Variants in ZDHHC15 observed in about 807,000 individuals in gnomAD.
ZDHHC15 encodes the protein palmitoyltransferase ZDHHC15.
ZDHHC15 carries 19 observed loss-of-function variants against 31.7 expected under a neutral mutation model. The ratio of observed to expected loss-of-function variants is 0.60; its 90% CI spans 0.42 to 0.88. ZDHHC15 has a LOEUF of 0.88. Among genes scored for constraint, ZDHHC15 ranks in the 40% least tolerant of loss-of-function variants. ZDHHC15 has a pLI of 0.00. For synonymous variants in ZDHHC15, 103 were observed against 90.0 expected (o/e 1.14, Z -0.82); for missense variants, 209 against 251.2 (o/e 0.83, Z 1.14).
chrX:75,423,035 C>A (rs1484098332), intron 8 of ZDHHC15, among the ~76,000 whole-genome samples: 1 of 93,547 alleles, frequency 1.1e-5, no homozygotes, highest in African/African-American at 4.0e-5. Flanking sequence ...AAAATAGATA[C>A]AGGGTCTTAT....
In ZDHHC15 at chrX:75,442,424, C is replaced by A. The variant is rs1187856147; in HGVS notation, c.379+8378G>T. Among the ~76,000 whole-genome samples, 5 of 111,950 alleles carry A rather than the reference C, an allele frequency of 4.5e-5. No individual in the cohort carries two copies. The East Asian group carries it at 1.4e-3, about 32-fold the overall frequency. On this transcript the variant is annotated intron_variant, in intron 4 of 11. Coordinates refer to ENST00000373367, the MANE Select transcript of ZDHHC15 (RefSeq NM_144969.3). The stretch of plus-strand genomic sequence containing the variant: ...AAACCCCATTGTTTCAGCCCAAAAT[C>A]TCCTTAAGCTGATATGCAACCTCAG...
At chrX:75,498,391 C>T (rs1475060361) in intron 2 of ZDHHC15, among the ~76,000 whole-genome samples, 3 of 111,360 alleles carry the variant, frequency 2.7e-5, no homozygotes, top group Non-Finnish European at 5.7e-5. Context: ...ACCTAGAAAA[C>T]CCTAAAGACT....
At chrX:75,411,338 G>T (rs2083483378) in intron 10 of ZDHHC15, among the ~76,000 whole-genome samples, 1 of 110,377 alleles carries the variant, frequency 9.1e-6, no homozygotes, top group South Asian at 3.9e-4. Context: ...TCAGCCTCCC[G>T]AGTAGCTGAG....
intron 3 of ZDHHC15, 31 bp from the exon 4 acceptor site, chrX:75,450,953 T>C: frequency 8.5e-7 from 1 of 1,179,774 alleles, no homozygotes; most frequent in Non-Finnish European, 1.1e-6. Flanking sequence ...TAAGACTTTA[T>C]TATCTAAAGT....
intron 8 of ZDHHC15, among the ~76,000 whole-genome samples, chrX:75,423,988 T>C (rs1477850318): frequency 9.0e-6 from 1 of 111,360 alleles, no homozygotes; most frequent in African/African-American, 3.3e-5. Flanking sequence ...TCACCATAGA[T>C]GAAATAAAAT....
At chrX:75,483,071 ATGTG>A (rs1476057660) in intron 2 of ZDHHC15, among the ~76,000 whole-genome samples, 4 of 84,881 alleles carry the variant, frequency 4.7e-5, no homozygotes, top group African/African-American at 2.0e-4. Flanking sequence ...GTGTATATAT[ATGTG>A]TATGTGTATA....
intron 1 of ZDHHC15, among the ~76,000 whole-genome samples, chrX:75,509,365 T>C (rs1053837807): frequency 4.5e-5 from 5 of 111,912 alleles, no homozygotes; most frequent in African/African-American, 1.6e-4. Flanking sequence ...AGTTTTGGAA[T>C]GCTGGTGTAT....
intron 10 of ZDHHC15, among the ~76,000 whole-genome samples, chrX:75,409,315 G>C (rs904671461): frequency 2.4e-4 from 26 of 109,021 alleles, no homozygotes; most frequent in Admixed American, 2.2e-3. Context: ...AACATGGCAA[G>C]ACCCTGTCTC....
In ZDHHC15 at chrX:75,493,317, G is replaced by A. The variant is rs763117969; in HGVS notation, c.163+12504C>T. Among the ~76,000 whole-genome samples the A allele has an allele frequency of 2.7e-5, 3 of 111,919 alleles. No individual in the cohort carries two copies. The East Asian group carries it at 8.4e-4, about 31-fold the overall frequency. On this transcript the variant is annotated intron_variant, in intron 2 of 11. Coordinates refer to ENST00000373367, the MANE Select transcript of ZDHHC15 (RefSeq NM_144969.3). Reference sequence around the variant, plus strand: ...TAGCTTACTAACCAAAAAAAGTCCAGTACAAGATGGATTCACAGCCGAATT... The same window carrying A: ...TAGCTTACTAACCAAAAAAAGTCCAATACAAGATGGATTCACAGCCGAATT...
At chrX:75,420,445 C>A (rs926297152) in intron 9 of ZDHHC15, among the ~76,000 whole-genome samples, 10 of 111,329 alleles carry the variant, frequency 9.0e-5, no homozygotes, top group African/African-American at 2.9e-4. Flanking sequence ...CCCAGCCATC[C>A]CATTACTGGG....
intron 10 of ZDHHC15, among the ~76,000 whole-genome samples, chrX:75,396,547 T>A (rs1476696886): frequency 8.9e-6 from 1 of 112,206 alleles, no homozygotes; most frequent in African/African-American, 3.2e-5. Flanking sequence ...TGCAAATGTA[T>A]GTTTTATTAA....
At chrX:75,499,633 T>C (rs767882072) in intron 2 of ZDHHC15, among the ~76,000 whole-genome samples, 1 of 111,591 alleles carries the variant, frequency 9.0e-6, no homozygotes, top group Non-Finnish European at 1.9e-5. Context: ...CAATAAACAT[T>C]GGCATGAATG....
chrX:75,469,469 T>C (rs1445947285), intron 3 of ZDHHC15, among the ~76,000 whole-genome samples: 1 of 112,019 alleles, frequency 8.9e-6, no homozygotes, highest in African/African-American at 3.2e-5. Flanking sequence ...AGGTACCTCA[T>C]ATAAGTAGAA....
intron 2 of ZDHHC15, among the ~76,000 whole-genome samples, chrX:75,496,572 A>G (rs1406003560): frequency 8.9e-6 from 1 of 112,005 alleles, no homozygotes; most frequent in Non-Finnish European, 1.9e-5. Flanking sequence ...TCATCAGCAC[A>G]TGGAACATTT....
chrX:75,416,688 G>A (rs1397324444), intron 10 of ZDHHC15, among the ~76,000 whole-genome samples: 1 of 111,665 alleles, frequency 9.0e-6, no homozygotes, highest in Non-Finnish European at 1.9e-5. Context: ...TAAAAAGAGA[G>A]TGAGTATAGG....
intron 10 of ZDHHC15, among the ~76,000 whole-genome samples, chrX:75,411,692 C>G (rs1192220922): frequency 9.0e-6 from 1 of 111,585 alleles, no homozygotes; most frequent in Admixed American, 9.5e-5. Context: ...ATTTTTAAAA[C>G]CACAGTGCAA....
intron 4 of ZDHHC15, among the ~76,000 whole-genome samples, chrX:75,443,034 C>T (rs1202257980): frequency 1.9e-5 from 2 of 107,599 alleles, no homozygotes; most frequent in Non-Finnish European, 3.9e-5. Context: ...AATGGCCATA[C>T]TGCCCAAGGT....
chrX:75,380,591 C>A (rs1602538122), intron 10 of ZDHHC15, among the ~76,000 whole-genome samples: 1 of 111,241 alleles, frequency 9.0e-6, no homozygotes, highest in African/African-American at 3.3e-5. Flanking sequence ...TGGTTTCACT[C>A]CCAGGATAAG....
intron 2 of ZDHHC15, among the ~76,000 whole-genome samples, chrX:75,491,425 A>C (rs2084889151): frequency 1.1e-5 from 1 of 94,892 alleles, no homozygotes; most frequent in Non-Finnish European, 2.1e-5. Flanking sequence ...GTATTGAACA[A>C]TGAGAACACA....
Sources: allele counts gnomAD v4.1 joint callset (sites outside exome capture counted in the v4.1 genomes callset), GRCh38; gene constraint gnomAD v4.1.1; transcripts MANE v1.5; gene names NCBI Gene and HGNC (gene_info 2026-07-23, HGNC 2026-07-21).